Variants in KIF6 observed in about 807,000 individuals in gnomAD.
KIF6 encodes the protein kinesin-like protein KIF6.
In KIF6, 106 loss-of-function variants were observed where a neutral mutation model predicts 112.7. The observed-to-expected ratio is 0.94, with a 90% confidence interval of 0.80 to 1.11. The LOEUF (loss-of-function observed/expected upper bound fraction) is 1.11, where lower values mean the gene tolerates loss of function less well. Among genes scored for constraint, KIF6 ranks in the 50% least tolerant of loss-of-function variants. The pLI is 0.00. For missense variants in KIF6, 929 were observed against 964.0 expected (o/e 0.96, Z 0.48); for synonymous variants, 339 against 339.9 (o/e 1.00, Z 0.03).
chr6:39,631,942 A>G (rs1275592401), intron 5 of KIF6, among the ~76,000 whole-genome samples: 1 of 152,140 alleles, frequency 6.6e-6, no homozygotes, highest in Non-Finnish European at 1.5e-5. Context: ...AACTTCTATA[A>G]TAGTTATTGA....
intron 6 of KIF6, among the ~76,000 whole-genome samples, chr6:39,612,132 C>T (rs1365420754): frequency 1.3e-5 from 2 of 152,164 alleles, no homozygotes; most frequent in African/African-American, 4.8e-5. Flanking sequence ...ACGATGCTTT[C>T]AGTATCTGAA....
chr6:39,659,729 T>C (rs1297129152), intron 3 of KIF6, among the ~76,000 whole-genome samples: 5 of 152,218 alleles, frequency 3.3e-5, no homozygotes, highest in African/African-American at 9.6e-5. Context: ...GCCATGATTG[T>C]AAGTTTTCTG....
chr6:39,455,262 T>G (rs1432498276), intron 13 of KIF6, among the ~76,000 whole-genome samples: 99 of 151,830 alleles, frequency 6.5e-4, no homozygotes, highest in African/African-American at 2.3e-3. Context: ...AGGGGCACAC[T>G]GACACCTCAC....
chr6:39,517,028 T>C (rs1777123863), intron 13 of KIF6, among the ~76,000 whole-genome samples: 1 of 152,198 alleles, frequency 6.6e-6, no homozygotes, highest in Non-Finnish European at 1.5e-5. Flanking sequence ...CCTATCCTTC[T>C]TCCACTGGTT....
Position 39,545,601 on chromosome 6 carries a change from G to C in KIF6, c.1269C>G (p.His423Gln). 6.2e-7 allele frequency: 1 copy of C among 1,610,974 alleles called. No individual in the cohort carries two copies. Reference sequence around the variant, plus strand: ...AGTTTACCTTTAAATGATGAAAACAGTGATGAACTTTACGCATATCCGCGC... The same window carrying C: ...AGTTTACCTTTAAATGATGAAAACACTGATGAACTTTACGCATATCCGCGC... ...EVGADMRKVH[H>Q]CFHHLKKLLN... Residue 423 changes from histidine (H) to glutamine (Q), a missense_variant, in exon 11 of 23, where the codon CAC becomes CAG. This residue lies in a region of KIF6 where 688 missense variants were observed against 662.7 expected (regional missense o/e 1.04). Transcript: ENST00000287152.
At chr6:39,693,101 C>A (rs1268754752) in intron 3 of KIF6, among the ~76,000 whole-genome samples, 14 of 152,188 alleles carry the variant, frequency 9.2e-5, no homozygotes, top group Admixed American at 9.2e-4. Flanking sequence ...TACGCATATG[C>A]CCCTGGGAGG....
intron 13 of KIF6, among the ~76,000 whole-genome samples, chr6:39,480,637 ATTC>A (rs1280345247): frequency 2.0e-5 from 3 of 152,102 alleles, no homozygotes; most frequent in African/African-American, 7.2e-5. Context: ...ATTGGTACCA[ATTC>A]TTCTTTGAAT....
intron 13 of KIF6, among the ~76,000 whole-genome samples, chr6:39,464,373 G>T (rs1773664280): frequency 6.6e-6 from 1 of 152,166 alleles, no homozygotes; most frequent in Non-Finnish European, 1.5e-5. Context: ...GCATAAGGGA[G>T]GCTTACCCTC....
rs1210813909 is a variant in KIF6, at chr6:39,458,687, A to C, written c.1646-27526T>G. Among the ~76,000 whole-genome samples, 30 of 112,058 alleles carry C rather than the reference A, an allele frequency of 2.7e-4. 1 individual carries two copies. The highest frequency in any genetic ancestry group is 8.1e-4 in the African/African-American group (23 of 28,500). 73.5% of individuals were successfully genotyped at this position (112,058 alleles called of 152,430 possible). Reference sequence around the variant, plus strand: ...ACTTCAGCAAAGTCTCAGGATACAAAATCAATGTACAAAAATCACAAGCAT... The same window carrying C: ...ACTTCAGCAAAGTCTCAGGATACAACATCAATGTACAAAAATCACAAGCAT... On this transcript the variant is annotated intron_variant, in intron 13 of 22. Transcript: ENST00000287152.
Position 39,634,969 on chromosome 6 carries a change from A to G in KIF6, c.400-11T>C. On this transcript the variant is annotated splice_polypyrimidine_tract_variant and intron_variant, in intron 4 of 22. Coordinates refer to ENST00000287152, the MANE Select transcript of KIF6 (RefSeq NM_145027.6). ...TATTTTGCTGCTGTCCTGATTGGAA[A>G]AGGGAAAGGTATTATTTATCGGTTA... 1.4e-6 allele frequency: 2 copies of G among 1,390,084 alleles called. No homozygotes were observed. Among genetic ancestry groups the G allele is most frequent in the Non-Finnish European group, 2.0e-6 (2 of 976,132 alleles). The allele number at this position is 1,390,084 out of a possible 1,614,324, so 86.1% of individuals were successfully genotyped here. A position where few individuals can be genotyped will look rare whatever the true frequency, so the allele number is the denominator to read the frequency against.
At chr6:39,521,646 T>C (rs543522507) in intron 13 of KIF6, among the ~76,000 whole-genome samples, 1 of 152,284 alleles carries the variant, frequency 6.6e-6, no homozygotes, top group South Asian at 2.1e-4. Context: ...CAAGCCTTTC[T>C]GGGCAGTACC....
intron 13 of KIF6, among the ~76,000 whole-genome samples, chr6:39,461,940 TAG>T (rs1422302900): frequency 6.6e-6 from 1 of 152,170 alleles, no homozygotes; most frequent in Non-Finnish European, 1.5e-5. Flanking sequence ...TTGTATGTAA[TAG>T]AGACTTTTTA....
At chr6:39,405,096 T>A (rs1768991197) in intron 15 of KIF6, among the ~76,000 whole-genome samples, 1 of 152,142 alleles carries the variant, frequency 6.6e-6, no homozygotes, top group African/African-American at 2.4e-5. Context: ...AACTCTTTTA[T>A]TGTTTATAGG....
At chr6:39,655,428 G>A (rs1399679813) in intron 3 of KIF6, among the ~76,000 whole-genome samples, 2 of 151,946 alleles carry the variant, frequency 1.3e-5, no homozygotes, top group Non-Finnish European at 2.9e-5. Flanking sequence ...ACTGCTTATA[G>A]TGGCCTTTGT....
At chr6:39,603,429 A>G in intron 6 of KIF6, among the ~76,000 whole-genome samples, 1 of 152,044 alleles carries the variant, frequency 6.6e-6, no homozygotes, top group East Asian at 1.9e-4. Flanking sequence ...GCTATTTCAT[A>G]TGGTAAAAAA....
At chr6:39,715,665 C>G (rs1379473788) in intron 2 of KIF6, among the ~76,000 whole-genome samples, 1 of 151,810 alleles carries the variant, frequency 6.6e-6, no homozygotes, top group Non-Finnish European at 1.5e-5. Context: ...TCACTCCTGG[C>G]TAATTTTCAT....
chr6:39,573,233 G>A (rs143503126), intron 10 of KIF6, among the ~76,000 whole-genome samples: 1,748 of 152,030 alleles, frequency 0.011, 26 homozygotes, highest in African/African-American at 0.039. Context: ...GAGTTTGGGC[G>A]CAATAAGAGG....
intron 4 of KIF6, among the ~76,000 whole-genome samples, chr6:39,636,969 A>G (rs544233269): frequency 6.6e-6 from 1 of 152,192 alleles, no homozygotes; most frequent in South Asian, 2.1e-4. Context: ...AAGATTCTAT[A>G]TTTAAAATCT....
intron 13 of KIF6, among the ~76,000 whole-genome samples, chr6:39,512,374 T>C (rs1403869289): frequency 6.6e-6 from 1 of 152,128 alleles, no homozygotes; most frequent in East Asian, 1.9e-4. Context: ...TATTTCCGGG[T>C]TTTCTGAAAG....
Sources: allele counts gnomAD v4.1 joint callset (sites outside exome capture counted in the v4.1 genomes callset), GRCh38; gene constraint gnomAD v4.1.1; regional missense constraint gnomAD v4.1.1; transcripts MANE v1.5; gene names NCBI Gene and HGNC (gene_info 2026-07-23, HGNC 2026-07-21).